TBC1D32: variants seen among roughly 807,000 people sequenced by gnomAD.
The protein encoded by TBC1D32 is TBC1 domain family member 32.
A neutral mutation model predicts 170.3 loss-of-function variants in TBC1D32; 151 were observed. The ratio of observed to expected loss-of-function variants is 0.89; its 90% CI spans 0.78 to 1.01. The LOEUF (loss-of-function observed/expected upper bound fraction) is 1.01. TBC1D32 is among the 50% of genes least tolerant of loss of function. The pLI, the probability that TBC1D32 is intolerant of heterozygous loss-of-function variation, is 0.00. For synonymous variants in TBC1D32, 498 were observed against 488.0 expected (o/e 1.02, Z -0.27); for missense variants, 1,464 against 1,457.1 (o/e 1.00, Z -0.08).
Position 121,242,086 on chromosome 6 carries a change from T to A in TBC1D32, c.2157+115A>T. On this transcript the variant is annotated intron_variant, in intron 18 of 31. Transcript: ENST00000398212. ...TCAAGTTGACTATTACAATGCTATA[T>A]GGTCTTTTAACAGAGGCTTAATAAC... 6.6e-6 allele frequency: 7 copies of A among 1,063,692 alleles called. No homozygotes were observed. The South Asian group carries it at 1.1e-4, about 17-fold the overall frequency. The allele number at this position is 1,063,692 out of a possible 1,614,324, so 65.9% of individuals were successfully genotyped here.
chr6:121,266,848 G>A (rs1355299908), intron 15 of TBC1D32, among the ~76,000 whole-genome samples: 18 of 151,918 alleles, frequency 1.2e-4, no homozygotes, highest in African/African-American at 4.1e-4. Context: ...ACTCATAAGT[G>A]GGAGATGAAA....
In TBC1D32 at chr6:121,247,695, CAAAAAAAAAAA is replaced by C. The variant is rs34914027; in HGVS notation, c.2019-5367_2019-5357del. Among the ~76,000 whole-genome samples, 16 of 46,572 alleles carry C rather than the reference CAAAAAAAAAAA, an allele frequency of 3.4e-4. No homozygotes were observed. In the Admixed American group the frequency reaches 3.8e-3, roughly 11 times the overall value. 30.6% of individuals were successfully genotyped at this position (46,572 alleles called of 152,430 possible). ...ATATCAGATAAAACAGGCTTTAAAG[CAAAAAAAAAAA>C]AAAAAAAAAAAAGACAAAGAAGGAC... is the stretch of plus-strand genomic sequence containing the variant. On this transcript the variant is annotated intron_variant, in intron 17 of 31. Transcript: ENST00000398212.
chr6:121,112,963 G>T, intron 28 of TBC1D32, 99 bp downstream of exon 28: 1 of 840,740 alleles, frequency 1.2e-6, no homozygotes, highest in South Asian at 1.8e-5. Flanking sequence ...ATAGCTTAAA[G>T]TACTACTTTA....
chr6:121,102,837 T>C (rs1358953732), intron 30 of TBC1D32, among the ~76,000 whole-genome samples: 1 of 151,986 alleles, frequency 6.6e-6, no homozygotes, highest in Non-Finnish European at 1.5e-5. Flanking sequence ...TGCAATCTAC[T>C]CATCTGACAA....
chr6:121,200,401 G>A (rs1791387519), intron 22 of TBC1D32, among the ~76,000 whole-genome samples: 1 of 151,310 alleles, frequency 6.6e-6, no homozygotes, highest in South Asian at 2.1e-4. Flanking sequence ...GTTTCCCCAC[G>A]ATATTTACAG....
intron 1 of TBC1D32, among the ~76,000 whole-genome samples, chr6:121,326,993 GTTTCT>G (rs1218050929): frequency 6.6e-6 from 1 of 151,968 alleles, no homozygotes; most frequent in African/African-American, 2.4e-5. Flanking sequence ...ATTTTATGTT[GTTTCT>G]TTTACCATCG....
At chr6:121,279,977 G>A (rs2128443076) in intron 14 of TBC1D32, among the ~76,000 whole-genome samples, 1 of 151,934 alleles carries the variant, frequency 6.6e-6, no homozygotes, top group South Asian at 2.1e-4. Flanking sequence ...TAATACATTT[G>A]AAAACGTAAA....
intron 21 of TBC1D32, among the ~76,000 whole-genome samples, chr6:121,212,160 A>G (rs2128313519): frequency 6.6e-6 from 1 of 152,210 alleles, no homozygotes; most frequent in East Asian, 1.9e-4. Flanking sequence ...ATGCCCCCCC[A>G]AGACTGAACC....
At chr6:121,174,814 T>A (rs1338756250) in intron 22 of TBC1D32, among the ~76,000 whole-genome samples, 1 of 152,060 alleles carries the variant, frequency 6.6e-6, no homozygotes, top group Non-Finnish European at 1.5e-5. Context: ...ACAGATCACT[T>A]GATTCCACGA....
At chr6:121,134,752 CA>C (rs2128220382) in intron 24 of TBC1D32, among the ~76,000 whole-genome samples, 1 of 152,130 alleles carries the variant, frequency 6.6e-6, no homozygotes, top group Admixed American at 6.6e-5. Flanking sequence ...TTGAGGGGAA[CA>C]ATAAATAATT....
chr6:121,109,397 A>T (rs940373047), intron 29 of TBC1D32, among the ~76,000 whole-genome samples: 1 of 152,130 alleles, frequency 6.6e-6, no homozygotes. Flanking sequence ...TTGTATGTGC[A>T]TGTAAAATAC....
intron 17 of TBC1D32, among the ~76,000 whole-genome samples, chr6:121,253,240 C>T (rs79084146): frequency 0.033 from 4,981 of 151,944 alleles, 193 homozygotes; most frequent in East Asian, 0.12. Flanking sequence ...TACAAAGAAG[C>T]CAAAGAAATC....
intron 21 of TBC1D32, among the ~76,000 whole-genome samples, chr6:121,208,123 A>G (rs919975045): frequency 6.6e-6 from 1 of 151,638 alleles, no homozygotes; most frequent in African/African-American, 2.4e-5. Flanking sequence ...AAAAAAAAAG[A>G]TATGTCCAAG....
At chr6:121,325,378 AAG>A (rs68034177) in intron 1 of TBC1D32, among the ~76,000 whole-genome samples, 133,122 of 151,668 alleles carry the variant, frequency 0.88, 59,544 homozygotes, top group South Asian at 0.98. Context: ...TTCAAACTAT[AAG>A]ATACAAGGCT....
At chr6:121,247,632 C>A (rs1368865778) in intron 17 of TBC1D32, among the ~76,000 whole-genome samples, 1 of 91,622 alleles carries the variant, frequency 1.1e-5, no homozygotes, top group Non-Finnish European at 2.1e-5. Context: ...ACATTCCACA[C>A]AAATAGAAAC....
intron 1 of TBC1D32, among the ~76,000 whole-genome samples, chr6:121,329,089 A>G (rs1810858090): frequency 6.6e-6 from 1 of 152,238 alleles, no homozygotes; most frequent in South Asian, 2.1e-4. Context: ...ATTCATCAGT[A>G]GTAACTGATT....
rs1341424647 is a variant in TBC1D32, at chr6:121,275,636, C to T, written c.1733+3485G>A. On this transcript the variant is annotated intron_variant, in intron 15 of 31. Transcript: ENST00000398212. The stretch of plus-strand genomic sequence containing the variant: ...AGAATATAAAAAGGAGGGGATACCT[C>T]GTACTTCCCATAGACTGCTGGCAAG... Among the ~76,000 whole-genome samples the T allele has an allele frequency of 3.9e-5, 6 of 152,230 alleles. No homozygotes were observed. The East Asian group carries it at 1.2e-3, about 29-fold the overall frequency.
intron 20 of TBC1D32, among the ~76,000 whole-genome samples, chr6:121,232,857 T>G (rs777926283): frequency 2.6e-5 from 4 of 152,136 alleles, no homozygotes; most frequent in Non-Finnish European, 5.9e-5. Context: ...AGGCATTTAA[T>G]GCTATAAACT....
intron 22 of TBC1D32, among the ~76,000 whole-genome samples, chr6:121,193,834 T>G (rs1490886001): frequency 6.6e-6 from 1 of 152,142 alleles, no homozygotes; most frequent in Non-Finnish European, 1.5e-5. Context: ...TCACAGCGCC[T>G]CAATCAATTT....
Sources: allele counts gnomAD v4.1 joint callset (sites outside exome capture counted in the v4.1 genomes callset), GRCh38; gene constraint gnomAD v4.1.1; transcripts MANE v1.5; gene names NCBI Gene and HGNC (gene_info 2026-07-23, HGNC 2026-07-21).